Variants in SPOCK1 observed in about 807,000 individuals in gnomAD.
SPOCK1 encodes testican-1.
Under a neutral mutation model 55.3 loss-of-function variants are expected in SPOCK1, and 23 were observed. That is an observed-to-expected ratio of 0.42 (90% CI 0.30 to 0.59). SPOCK1 has a LOEUF of 0.59. Among genes scored for constraint, SPOCK1 ranks in the 20% least tolerant of loss-of-function variants. The pLI is 0.22. For missense variants in SPOCK1, 499 were observed against 552.5 expected, an observed-to-expected ratio of 0.90 and a Z score of 0.97; for synonymous variants, 226 against 221.0, an observed-to-expected ratio of 1.02 and a Z score of -0.20.
At chr5:137,299,074 T>C (rs1757540327) in intron 2 of SPOCK1, among the ~76,000 whole-genome samples, 1 of 152,172 alleles carries the variant, frequency 6.6e-6, no homozygotes, top group South Asian at 2.1e-4. Flanking sequence ...CCTTTCTTCA[T>C]TTAATCGAAT....
chr5:137,118,844 G>C (rs139294307), intron 4 of SPOCK1, among the ~76,000 whole-genome samples: 461 of 152,220 alleles, frequency 3.0e-3, no homozygotes, highest in African/African-American at 6.4e-3. Flanking sequence ...AACTGTTTTC[G>C]CTCTGCATAT....
rs1294127719 is a variant in SPOCK1, at chr5:137,297,850, A to G, written c.187-30795T>C. Among the ~76,000 whole-genome samples, 3 of 152,212 alleles carry G rather than the reference A, an allele frequency of 2.0e-5. No homozygotes were observed. The South Asian group carries it at 6.2e-4, about 32-fold the overall frequency. ...TAATTTTAACAGAAGGAGGAAAATG[A>G]TAGGAGAAAGTACAAATCGGGTAGG... On this transcript the variant is annotated intron_variant, in intron 2 of 10. Transcript: ENST00000394945.
At chr5:136,990,010 G>A (rs369838311) in intron 7 of SPOCK1, among the ~76,000 whole-genome samples, 38 of 152,004 alleles carry the variant, frequency 2.5e-4, no homozygotes, top group South Asian at 2.1e-3. Context: ...TCCCGGGTTC[G>A]CACCATTCTC....
In SPOCK1 at chr5:137,498,364, G is replaced by C. The variant is rs767475840; in HGVS notation, c.186+9C>G. Reference sequence around the variant, plus strand: ...GCGCCCCCCAGGGCCGGGTGGCGCCGGTACTCACGTCTCGAAAGCGGTTCC... The same window carrying C: ...GCGCCCCCCAGGGCCGGGTGGCGCCCGTACTCACGTCTCGAAAGCGGTTCC... On this transcript the variant is annotated intron_variant, in intron 2 of 10. Transcript: ENST00000394945. 3.2e-5 allele frequency: 50 copies of C among 1,580,962 alleles called. No individual in the cohort carries two copies. The South Asian group carries it at 5.4e-4, about 17-fold the overall frequency.
intron 4 of SPOCK1, among the ~76,000 whole-genome samples, chr5:137,132,135 A>C (rs1298019362): frequency 1.5e-5 from 2 of 136,854 alleles, no homozygotes; most frequent in Non-Finnish European, 3.1e-5. Flanking sequence ...ATATAGTGCC[A>C]CTGCACTCCA....
intron 2 of SPOCK1, among the ~76,000 whole-genome samples, chr5:137,288,384 C>T (rs903559592): frequency 2.0e-5 from 3 of 152,164 alleles, no homozygotes; most frequent in African/African-American, 7.2e-5. Flanking sequence ...AATAAGCTGC[C>T]CACAACATAG....
chr5:137,161,685 A>G (rs1754560260), intron 3 of SPOCK1, among the ~76,000 whole-genome samples: 1 of 152,210 alleles, frequency 6.6e-6, no homozygotes, highest in Non-Finnish European at 1.5e-5. Context: ...TAACAAGTTC[A>G]TAATAAATGC....
intron 4 of SPOCK1, among the ~76,000 whole-genome samples, chr5:137,137,915 T>C (rs1754020302): frequency 6.6e-6 from 1 of 152,162 alleles, no homozygotes; most frequent in Non-Finnish European, 1.5e-5. Context: ...GCTGCTATTA[T>C]TTGACAATAG....
rs550989599 is a variant in SPOCK1, at chr5:137,162,465, T to C, written c.233-21771A>G. 1.5e-4 allele frequency among the ~76,000 whole-genome samples: 23 copies of C among 152,222 alleles called. No homozygotes were observed. In the South Asian group the frequency reaches 4.6e-3, roughly 30 times the overall value. On this transcript the variant is annotated intron_variant, in intron 3 of 10. Coordinates refer to ENST00000394945, the MANE Select transcript of SPOCK1 (RefSeq NM_004598.4). ...TATAATGCTTTCTGAAATAAGACTA[T>C]GAAAGAATGTGTGCCTAAATCAGAG...
chr5:137,208,449 C>T (rs1369909006), intron 3 of SPOCK1, among the ~76,000 whole-genome samples: 1 of 152,174 alleles, frequency 6.6e-6, no homozygotes, highest in African/African-American at 2.4e-5. Flanking sequence ...CCATCCAAAA[C>T]ACCATTTCAT....
In SPOCK1 at chr5:137,309,924, T is replaced by C. The variant is rs542386407; in HGVS notation, c.187-42869A>G. ...TCACATGTCATAGGCATTCTATAAA[T>C]AGTTGTTACTTAATGTCTCTTTTTC... On this transcript the variant is annotated intron_variant, in intron 2 of 10. Coordinates refer to ENST00000394945, the MANE Select transcript of SPOCK1 (RefSeq NM_004598.4). Among the ~76,000 whole-genome samples the C allele has an allele frequency of 2.9e-4, 44 of 152,336 alleles. 1 individual carries two copies. Among genetic ancestry groups the C allele is most frequent in the Middle Eastern group, 3.4e-3 (1 of 294 alleles).
intron 3 of SPOCK1, among the ~76,000 whole-genome samples, chr5:137,246,698 C>T (rs1054460625): frequency 6.6e-6 from 1 of 152,142 alleles, no homozygotes; most frequent in African/African-American, 2.4e-5. Context: ...CATGAATGAC[C>T]ACTCCCACCC....
chr5:137,494,579 T>G (rs1754258260), intron 2 of SPOCK1, among the ~76,000 whole-genome samples: 1 of 152,248 alleles, frequency 6.6e-6, no homozygotes, highest in East Asian at 1.9e-4. Context: ...TGTTAGCTAT[T>G]ACCTATTTCT....
chr5:137,396,253 C>G (rs981249252), intron 2 of SPOCK1, among the ~76,000 whole-genome samples: 15 of 152,172 alleles, frequency 9.9e-5, no homozygotes, highest in Admixed American at 2.0e-4. Flanking sequence ...CGAGAAGTAA[C>G]ATAGAAAACA....
intron 3 of SPOCK1, among the ~76,000 whole-genome samples, chr5:137,144,001 T>G (rs760514576): frequency 2.6e-5 from 4 of 152,102 alleles, no homozygotes; most frequent in Non-Finnish European, 5.9e-5. Context: ...ACCATATTCT[T>G]AAGAGGCTTT....
At chr5:137,341,404 A>T (rs1452204179) in intron 2 of SPOCK1, among the ~76,000 whole-genome samples, 1 of 152,250 alleles carries the variant, frequency 6.6e-6, no homozygotes, top group Non-Finnish European at 1.5e-5. Flanking sequence ...CTGTACAAAG[A>T]GAATCAGGAC....
intron 5 of SPOCK1, among the ~76,000 whole-genome samples, chr5:137,082,414 G>A (rs919539446): frequency 6.6e-6 from 1 of 152,176 alleles, no homozygotes; most frequent in Non-Finnish European, 1.5e-5. Context: ...CTAACCAGGT[G>A]GGTGGGGATG....
At chr5:137,318,280 G>C (rs556861438) in intron 2 of SPOCK1, among the ~76,000 whole-genome samples, 1 of 152,298 alleles carries the variant, frequency 6.6e-6, no homozygotes, top group South Asian at 2.1e-4. Context: ...CTGGGTTTGA[G>C]TAAAGAGGAT....
In SPOCK1 at chr5:137,337,521, C is replaced by T. The variant is rs559659933; in HGVS notation, c.187-70466G>A. On this transcript the variant is annotated intron_variant, in intron 2 of 10. Transcript: ENST00000394945. ...ATAAGTCTACTGAAGCTGTGGTCTACAGACTTCACAACATCCTCCACTTCC... is the reference window on the plus strand; with the variant it reads ...ATAAGTCTACTGAAGCTGTGGTCTATAGACTTCACAACATCCTCCACTTCC... Among the ~76,000 whole-genome samples the T allele has an allele frequency of 2.6e-4, 40 of 152,324 alleles. No homozygotes were observed. In the South Asian group the frequency reaches 5.4e-3, roughly 21 times the overall value.
Sources: gnomAD v4.1 joint callset for allele counts (sites outside exome capture counted in the v4.1 genomes callset) on GRCh38, gnomAD v4.1.1 for gene constraint, MANE v1.5 for transcripts, NCBI Gene and HGNC (gene_info 2026-07-23, HGNC 2026-07-21) for gene names.